The following ZNF705G variants were observed in gnomAD, a reference collection of about 807,000 sequenced individuals.
The protein encoded by ZNF705G is zinc finger protein 705G, also known as putative zinc finger protein 705G.
In ZNF705G, 23 loss-of-function variants were observed where a neutral mutation model predicts 19.6. The observed-to-expected ratio is 1.17, with a 90% CI of 0.84 to 1.66. The LOEUF (loss-of-function observed/expected upper bound fraction) is 1.66. Among genes scored for constraint, ZNF705G ranks in the 40% most tolerant of loss-of-function variants. The pLI is 0.00. For missense variants in ZNF705G, 457 were observed against 354.4 expected, an observed-to-expected ratio of 1.29 and a Z score of -2.32; for synonymous variants, 146 against 117.7, an observed-to-expected ratio of 1.24 and a Z score of -1.56.
Position 7,382,757 on chromosome 8 carries a change from C to T in ZNF705G, c.-221-1156G>A, listed in dbSNP as rs1383203615. 4.1e-5 allele frequency among the ~76,000 whole-genome samples: 6 copies of T among 146,732 alleles called. 1 individual carries two copies. Among genetic ancestry groups the T allele is most frequent in the East Asian group, 1.9e-4 (1 of 5,196 alleles). ...CTTATTTCAAGATCTGAAAGTGCTA[C>T]ATGAATCATTAAGGAGAGGTTAAAT... On this transcript the variant is annotated intron_variant, in intron 1 of 6. Coordinates refer to ENST00000400156, the MANE Select transcript of ZNF705G (RefSeq NM_001164457.3).
intron 1 of ZNF705G, among the ~76,000 whole-genome samples, chr8:7,384,516 G>A (rs1320786496): frequency 2.1e-5 from 3 of 146,128 alleles, no homozygotes; most frequent in East Asian, 1.9e-4. Context: ...TAACCTGTAA[G>A]AGGAACTTTT....
At chr8:7,379,050 A>C (rs531406789) in intron 2 of ZNF705G, among the ~76,000 whole-genome samples, 1 of 150,670 alleles carries the variant, frequency 6.6e-6, no homozygotes, top group Admixed American at 6.5e-5. Flanking sequence ...TCATTCATAG[A>C]GTTTTCTTTT....
chr8:7,375,116 T>C lies in ZNF705G; in HGVS notation c.-72+6336A>G, dbSNP rs1807206348. ...TATTGTGTGATATTGAGGTTTGGGGTATGAATAACTCTGTCACGCAGGTAG... is the reference window on the plus strand; with the variant it reads ...TATTGTGTGATATTGAGGTTTGGGGCATGAATAACTCTGTCACGCAGGTAG... On this transcript the variant is annotated intron_variant, in intron 2 of 6. Coordinates refer to ENST00000400156, the MANE Select transcript of ZNF705G (RefSeq NM_001164457.3). 2.1e-5 allele frequency among the ~76,000 whole-genome samples: 2 copies of C among 94,272 alleles called. 1 individual carries two copies. The highest frequency in any genetic ancestry group is 7.2e-4 in the South Asian group (2 of 2,774). 61.8% of individuals were successfully genotyped at this position (94,272 alleles called of 152,430 possible).
At position 7,357,327 on chromosome 8, in the gene ZNF705G, C is replaced by A. The variant is rs1806319381; in HGVS notation, c.*649G>T. The A allele has an allele frequency of 6.5e-6, 1 of 152,710 alleles. No homozygotes were observed. The highest frequency in any genetic ancestry group is 1.4e-5 in the Non-Finnish European group (1 of 69,566). The allele number at this position is 152,710 out of a possible 1,614,324, so 9.5% of individuals were successfully genotyped here. ...TTCTTATTTAGCTCATGAAGGCTTT[C>A]CTCTCTTATTTTCCATTTTAGCAGC... On this transcript the variant is annotated 3_prime_UTR_variant, in exon 7 of 7. Coordinates refer to ENST00000400156, the MANE Select transcript of ZNF705G (RefSeq NM_001164457.3).
chr8:7,362,750 G>T (rs1377304427), intron 3 of ZNF705G, among the ~76,000 whole-genome samples, 185 bp downstream of exon 3: 1 of 149,324 alleles, frequency 6.7e-6, no homozygotes, highest in Non-Finnish European at 1.5e-5. Context: ...AAAACTTAAT[G>T]GGGGGCCAGA....
chr8:7,370,126 C>A (rs1302752328), intron 2 of ZNF705G, among the ~76,000 whole-genome samples: 1 of 147,730 alleles, frequency 6.8e-6, no homozygotes, highest in Non-Finnish European at 1.5e-5. Flanking sequence ...AAAAAATTAG[C>A]TGGGCATGGT....
intron 2 of ZNF705G, among the ~76,000 whole-genome samples, chr8:7,366,207 A>T (rs540834795): frequency 1.0e-5 from 1 of 95,598 alleles, no homozygotes; most frequent in South Asian, 3.3e-4. Context: ...TATAAATGGA[A>T]AATCCTATTA....
Position 7,363,113 on chromosome 8 carries a change from C to G in ZNF705G, c.-71-96G>C, listed in dbSNP as rs1316275816. 4.8e-6 allele frequency: 7 copies of G among 1,472,214 alleles called. No homozygotes were observed. The African/African-American group carries it at 9.3e-5, about 19-fold the overall frequency. 91.2% of individuals were successfully genotyped at this position (1,472,214 alleles called of 1,614,324 possible). ...GCCAGACTTTCACTGAAGTGTGACA[C>G]CAGCTGCACCACAGCCTAACCAACA... On this transcript the variant is annotated intron_variant, in intron 2 of 6. Transcript: ENST00000400156.
rs1056071312 is a variant in ZNF705G, at chr8:7,367,494, C to T, written c.-71-4477G>A. ...CGCTCCACCGGAAAAGGAAAGAAAGCTTCAGATGGACATGCATATAACTCC... is the reference window on the plus strand; with the variant it reads ...CGCTCCACCGGAAAAGGAAAGAAAGTTTCAGATGGACATGCATATAACTCC... On this transcript the variant is annotated intron_variant, in intron 2 of 6. Transcript: ENST00000400156. Among the ~76,000 whole-genome samples the T allele has an allele frequency of 6.7e-5, 10 of 149,448 alleles. 1 individual carries two copies. The highest frequency in any genetic ancestry group is 2.3e-4 in the African/African-American group (9 of 38,870).
At chr8:7,368,218 T>G (rs868438028) in intron 2 of ZNF705G, among the ~76,000 whole-genome samples, 7 of 149,680 alleles carry the variant, frequency 4.7e-5, no homozygotes, top group Admixed American at 1.3e-4. Flanking sequence ...TGATTGGATT[T>G]TTGAGACTAC....
At chr8:7,360,456 T>A in intron 4 of ZNF705G, 124 bp from the exon 5 acceptor site, 4 of 1,455,028 alleles carry the variant, frequency 2.7e-6, no homozygotes, top group Non-Finnish European at 2.8e-6. Context: ...CCACAAGACC[T>A]AGAACACAGA....
chr8:7,355,840 C>A lies in ZNF705G; in HGVS notation c.*2136G>T, dbSNP rs1269038799. Reference sequence around the variant, plus strand: ...AGCTCTGCCTGGACACAGTCCTTGCCTCTCCAACCAGTTTGCCAAGGGCTT... The same window carrying A: ...AGCTCTGCCTGGACACAGTCCTTGCATCTCCAACCAGTTTGCCAAGGGCTT... On this transcript the variant is annotated 3_prime_UTR_variant, in exon 7 of 7. Transcript: ENST00000400156. 2.0e-5 allele frequency: 3 copies of A among 149,564 alleles called. No homozygotes were observed. Among genetic ancestry groups the A allele is most frequent in the Non-Finnish European group, 2.9e-5 (2 of 68,012 alleles). The allele number at this position is 149,564 out of a possible 1,614,324, so 9.3% of individuals were successfully genotyped here.
rs184568160 is a variant in ZNF705G at position 7,380,780 on chromosome 8, A to G, written c.-72+672T>C. Among the ~76,000 whole-genome samples the G allele has an allele frequency of 2.4e-4, 35 of 146,124 alleles. 1 individual carries two copies. The highest frequency in any genetic ancestry group is 3.4e-3 in the Middle Eastern group (1 of 292). ...CACGCCTGTAATCCTAGCACTTTGG[A>G]AGGCTGAGGGGGGCAGATCACCCGA... On this transcript the variant is annotated intron_variant, in intron 2 of 6. Coordinates refer to ENST00000400156, the MANE Select transcript of ZNF705G (RefSeq NM_001164457.3).
chr8:7,360,389 C>T (rs1179091556), intron 4 of ZNF705G, 57 bp from the exon 5 acceptor site: 4 of 1,581,488 alleles, frequency 2.5e-6, no homozygotes, highest in African/African-American at 3.0e-5. Context: ...TGTGCATTAT[C>T]ACCAAGTGTA....
At position 7,364,310 on chromosome 8, in the gene ZNF705G, T is replaced by A. The variant is rs1480848834; in HGVS notation, c.-71-1293A>T. Reference sequence around the variant, plus strand: ...TTAAATATATTTTATGTACAAATGATAATTATGTGTCATAAACAAAAAATT... The same window carrying A: ...TTAAATATATTTTATGTACAAATGAAAATTATGTGTCATAAACAAAAAATT... On this transcript the variant is annotated intron_variant, in intron 2 of 6. Transcript: ENST00000400156. Among the ~76,000 whole-genome samples, 2 of 149,684 alleles carry A rather than the reference T, an allele frequency of 1.3e-5. 1 individual carries two copies. Among genetic ancestry groups the A allele is most frequent in the African/African-American group, 5.1e-5 (2 of 39,098 alleles).
Position 7,356,729 on chromosome 8 carries a change from G to C in ZNF705G, c.*1247C>G, listed in dbSNP as rs1159075660. ...ATCTCGACCAAGAATCTCACCCAAG[G>C]AGTGCAGGTGCAAATCCATTTGTTA... On this transcript the variant is annotated 3_prime_UTR_variant, in exon 7 of 7. Transcript: ENST00000400156. The C allele has an allele frequency of 4.0e-5, 6 of 149,728 alleles. No homozygotes were observed. Among genetic ancestry groups the C allele is most frequent in the Non-Finnish European group, 1.5e-5 (1 of 68,054 alleles). 9.3% of individuals were successfully genotyped at this position (149,728 alleles called of 1,614,324 possible). A position where few individuals can be genotyped will look rare whatever the true frequency, so the allele number is the denominator to read the frequency against.
chr8:7,365,084 A>T (rs1411101846), intron 2 of ZNF705G, among the ~76,000 whole-genome samples: 1 of 149,750 alleles, frequency 6.7e-6, no homozygotes, highest in Admixed American at 6.6e-5. Flanking sequence ...AAGAAAGGAC[A>T]AATATTATAA....
chr8:7,374,810 G>T (rs1257927224), intron 2 of ZNF705G, among the ~76,000 whole-genome samples: 1 of 84,244 alleles, frequency 1.2e-5, no homozygotes, highest in Non-Finnish European at 2.3e-5. Flanking sequence ...TAAGGTAGGT[G>T]ACTAGACAAG....
In ZNF705G at chr8:7,369,079, G is replaced by T. The variant is rs903135132; in HGVS notation, c.-71-6062C>A. ...GAGAGAATGACAGCCAAGCAAAACT[G>T]GTTTCCCCTTATCAAACCATCACAA... On this transcript the variant is annotated intron_variant, in intron 2 of 6. Transcript: ENST00000400156. Among the ~76,000 whole-genome samples, 9 of 149,560 alleles carry T rather than the reference G, an allele frequency of 6.0e-5. No homozygotes were observed. The East Asian group carries it at 1.4e-3, about 22-fold the overall frequency.
Sources: gnomAD v4.1 joint callset for allele counts (sites outside exome capture counted in the v4.1 genomes callset) on GRCh38, gnomAD v4.1.1 for gene constraint, MANE v1.5 for transcripts, NCBI Gene and HGNC (gene_info 2026-07-23, HGNC 2026-07-21) for gene names.